OLFM1: variants seen among roughly 807,000 people sequenced by gnomAD.
OLFM1 encodes the protein noelin.
Under a neutral mutation model 49.7 loss-of-function variants are expected in OLFM1, and 9 were observed. That is an observed-to-expected ratio of 0.18 (90% CI 0.11 to 0.32). The LOEUF (loss-of-function observed/expected upper bound fraction) is 0.32. OLFM1 is among the 10% of genes least tolerant of loss of function. The probability of loss-of-function intolerance (pLI) is 1.00; values close to 1 mark genes in which losing one functional copy is unlikely to be tolerated. For missense variants in OLFM1, 369 were observed against 661.8 expected, an observed-to-expected ratio of 0.56 and a Z score of 4.85; for synonymous variants, 240 against 271.8, an observed-to-expected ratio of 0.88 and a Z score of 1.15.
upstream of OLFM1, among the ~76,000 whole-genome samples, chr9:135,086,276 A>C (rs1830595324): frequency 6.6e-6 from 1 of 152,178 alleles, no homozygotes; most frequent in Non-Finnish European, 1.5e-5. Flanking sequence ...CTGGCATCCG[A>C]CCCAGCCCGG....
intron 3 of OLFM1, among the ~76,000 whole-genome samples, chr9:135,096,622 C>T (rs926188123): frequency 2.2e-4 from 33 of 152,208 alleles, no homozygotes; most frequent in African/African-American, 8.0e-4. Context: ...CTGCGCTGCC[C>T]GAGCCAAGTC....
chr9:135,075,829 C>T, intron 1 of OLFM1: 3 of 1,580,328 alleles, frequency 1.9e-6, no homozygotes, highest in Non-Finnish European at 1.7e-6. Flanking sequence ...CCATTTTCCT[C>T]CCTGCCAGGC....
chr9:135,102,575 G>A (rs1182019077), intron 4 of OLFM1, among the ~76,000 whole-genome samples: 1 of 152,232 alleles, frequency 6.6e-6, no homozygotes, highest in Non-Finnish European at 1.5e-5. Context: ...GCGAGGAAGA[G>A]GGTCTGCCGT....
upstream of OLFM1, chr9:135,087,428 C>A: frequency 6.5e-7 from 1 of 1,544,632 alleles, no homozygotes. Flanking sequence ...GCTGGAGTCC[C>A]CGCGCCGCCG....
rs118152966 is a variant in OLFM1, at chr9:135,109,660, T to G, written c.783+2805T>G. ...CAGCCGTGGTTTGTTTGTTTTGATC[T>G]TTTCCAATCTCCCATTCAGTTTTGA... On this transcript the variant is annotated intron_variant, in intron 5 of 5. Transcript: ENST00000371793. Among the ~76,000 whole-genome samples, 1,130 of 152,222 alleles carry G rather than the reference T, an allele frequency of 7.4e-3. 17 individuals carry two copies. The highest frequency in any genetic ancestry group is 0.012 in the Admixed American group (176 of 15,296).
Position 135,119,620 on chromosome 9 carries a change from C to T in OLFM1, c.900C>T (p.Gly300=). 6.2e-7 allele frequency: 1 copy of T among 1,614,170 alleles called. No individual in the cohort carries two copies. The change falls in exon 6 of 6, where the codon GGC becomes GGT. Residue 300 remains glycine (G), a synonymous_variant. Coordinates refer to ENST00000371793, the MANE Select transcript of OLFM1 (RefSeq NM_001282611.2). The part of the protein sequence containing the change: ...TSHRLPHPWS[G]TGQVVYNGSI... ...ACCGTCTCCCCCACCCCTGGTCGGG[C>T]ACGGGGCAGGTGGTCTACAACGGTT...
chr9:135,113,632 T>C lies in OLFM1; in HGVS notation c.784-5872T>C, dbSNP rs11789656. ...CCAGCCACGTGGACACCCCTCACTCTGTGGGATCCACAGAGCAGTGCCTGG... is the reference window on the plus strand; with the variant it reads ...CCAGCCACGTGGACACCCCTCACTCCGTGGGATCCACAGAGCAGTGCCTGG... On this transcript the variant is annotated intron_variant, in intron 5 of 5. Transcript: ENST00000371793. This position sits in a 1 kb window ranked among gnomAD's most constrained non-coding sequence, Gnocchi z 4.0. Among the ~76,000 whole-genome samples, 32,140 of 152,132 alleles carry C rather than the reference T, an allele frequency of 0.21. 3,554 individuals carry two copies. The highest frequency in any genetic ancestry group is 0.29 in the Middle Eastern group (85 of 294).
At chr9:135,116,215 TG>T (rs1234582641) in intron 5 of OLFM1, among the ~76,000 whole-genome samples, 4 of 152,244 alleles carry the variant, frequency 2.6e-5, no homozygotes, top group African/African-American at 9.6e-5. Context: ...CCAAGGCCTG[TG>T]GGGTTCTGAG....
chr9:135,076,947 T>G (rs1830474423), intron 1 of OLFM1: 1 of 1,550,522 alleles, frequency 6.4e-7, no homozygotes. Flanking sequence ...GCCCAGGATG[T>G]GCAGTCCAAA....
Position 135,088,209 on chromosome 9 carries a change from G to A in OLFM1, c.150+70G>A. On this transcript the variant is annotated intron_variant, in intron 1 of 5. Transcript: ENST00000371793. This position sits in a 1 kb window ranked among gnomAD's most constrained non-coding sequence, Gnocchi z 4.8. ...TCCTCCTCCCCCTCCTCGGTCCGGA[G>A]CCCCGGGCTGGGCGGGCGCCGCGCG... 3 of 1,211,290 alleles carry A rather than the reference G, an allele frequency of 2.5e-6. No individual in the cohort carries two copies. Among genetic ancestry groups the A allele is most frequent in the Middle Eastern group, 3.1e-4 (1 of 3,212 alleles). 75.0% of individuals were successfully genotyped at this position (1,211,290 alleles called of 1,614,324 possible).
chr9:135,077,101 G>T (rs1564264549), intron 1 of OLFM1: 7 of 1,550,464 alleles, frequency 4.5e-6, no homozygotes, highest in Admixed American at 2.0e-5. Context: ...AAGGCCTGGT[G>T]GAGGGTGGTG....
intron 2 of OLFM1, among the ~76,000 whole-genome samples, chr9:135,091,627 T>A (rs62636477): frequency 5.3e-4 from 9 of 17,090 alleles, no homozygotes; most frequent in African/African-American, 8.1e-4. Flanking sequence ...TCACACACAC[T>A]CACATAGTCA....
chr9:135,098,608 G>T lies in OLFM1; in HGVS notation c.676+103G>T, dbSNP rs139756322. ...AAGTGGACAGCGCCCGCCTGGCTTC[G>T]CGAGGTGATGGCTGGATTAGGGCTC... On this transcript the variant is annotated intron_variant, in intron 4 of 5. Coordinates refer to ENST00000371793, the MANE Select transcript of OLFM1 (RefSeq NM_001282611.2). This position sits in a 1 kb window ranked among gnomAD's most constrained non-coding sequence, Gnocchi z 5.6. The T allele has an allele frequency of 3.8e-4, 394 of 1,046,720 alleles. No individual in the cohort carries two copies. The highest frequency in any genetic ancestry group is 5.3e-4 in the Non-Finnish European group (373 of 703,936). 64.8% of individuals were successfully genotyped at this position (1,046,720 alleles called of 1,614,324 possible).
chr9:135,086,701 G>A, upstream of OLFM1: 1 of 455,996 alleles, frequency 2.2e-6, no homozygotes, highest in South Asian at 1.5e-5. Context: ...TCAGGCCTGC[G>A]CTTCAGGTGG....
At chr9:135,100,280 C>T (rs1830852961) in intron 4 of OLFM1, among the ~76,000 whole-genome samples, 1 of 152,192 alleles carries the variant, frequency 6.6e-6, no homozygotes, top group African/African-American at 2.4e-5. Context: ...GGGGGCACCA[C>T]CCCTCCCGGA....
At chr9:135,078,409 C>T (rs568234589) in intron 1 of OLFM1, among the ~76,000 whole-genome samples, 33 of 152,302 alleles carry the variant, frequency 2.2e-4, no homozygotes, top group African/African-American at 6.3e-4. Flanking sequence ...AGGATTCAGG[C>T]GGACAGGCAG....
chr9:135,111,607 G>A (rs987935284), intron 5 of OLFM1, among the ~76,000 whole-genome samples: 1 of 152,196 alleles, frequency 6.6e-6, no homozygotes, highest in Non-Finnish European at 1.5e-5. Context: ...CTCCTGTGTG[G>A]GGTCCCTGTG....
intron 5 of OLFM1, among the ~76,000 whole-genome samples, chr9:135,119,006 GTACTCACTGGATCTTTGGAT>G (rs1340154601): frequency 1.9e-4 from 29 of 150,248 alleles, no homozygotes; most frequent in Admixed American, 4.6e-4. Context: ...GGTCTTTGGA[GTACTCACTGGATCTTTGGAT>G]TACTCACTGG....
chr9:135,079,276 G>T (rs1371778286), intron 1 of OLFM1, among the ~76,000 whole-genome samples: 1 of 152,160 alleles, frequency 6.6e-6, no homozygotes, highest in Non-Finnish European at 1.5e-5. Flanking sequence ...GAGGATATTT[G>T]ATCTGGGTCC....
Sources: allele counts gnomAD v4.1 joint callset (sites outside exome capture counted in the v4.1 genomes callset), GRCh38; gene constraint gnomAD v4.1.1; non-coding constraint Gnocchi (gnomAD v3.1); transcripts MANE v1.5; gene names NCBI Gene and HGNC (gene_info 2026-07-23, HGNC 2026-07-21).